The following TRPM3 variants were observed in gnomAD, a reference collection of about 807,000 sequenced individuals.
TRPM3 encodes the protein transient receptor potential cation channel subfamily M member 3.
Under a neutral mutation model 181.2 loss-of-function variants are expected in TRPM3, and 77 were observed. The ratio of observed to expected loss-of-function variants is 0.42; its 90% CI spans 0.35 to 0.51. The LOEUF is 0.51. TRPM3 is among the 20% of genes least tolerant of loss of function. The pLI, the probability that TRPM3 is intolerant of heterozygous loss-of-function variation, is 0.01. For synonymous variants in TRPM3, 745 were observed against 796.4 expected (o/e 0.94, Z 1.09); for missense variants, 1,759 against 2,196.7 (o/e 0.80, Z 3.98).
At chr9:70,549,970 G>A (rs1450217448) in intron 24 of TRPM3, among the ~76,000 whole-genome samples, 2 of 152,164 alleles carry the variant, frequency 1.3e-5, no homozygotes, top group African/African-American at 2.4e-5. Flanking sequence ...TCAAGGAAAG[G>A]GAAGCTATTC....
intron 7 of TRPM3, among the ~76,000 whole-genome samples, chr9:70,764,210 G>A (rs530039148): frequency 1.3e-5 from 2 of 152,284 alleles, no homozygotes; most frequent in East Asian, 3.9e-4. Context: ...TTCTTGAAAA[G>A]TAAAGACATG....
intron 9 of TRPM3, among the ~76,000 whole-genome samples, chr9:70,649,856 C>A (rs1175378623): frequency 6.6e-6 from 1 of 152,150 alleles, no homozygotes; most frequent in Non-Finnish European, 1.5e-5. Flanking sequence ...AAGACACATG[C>A]ACATGAATTT....
At chr9:70,638,932 G>C in intron 11 of TRPM3, 128 bp downstream of exon 11, 2 of 1,066,992 alleles carry the variant, frequency 1.9e-6, no homozygotes, top group African/African-American at 3.2e-5. Flanking sequence ...GTCTAAGGGA[G>C]TATTTGTGAT....
chr9:71,411,063 T>TA (rs2131452415), intron 1 of TRPM3, among the ~76,000 whole-genome samples: 1 of 152,308 alleles, frequency 6.6e-6, no homozygotes, highest in East Asian at 1.9e-4. Context: ...CCCTTCATGC[T>TA]AAAAACTCTC....
At chr9:71,186,733 T>C (rs2077702798) in intron 1 of TRPM3, among the ~76,000 whole-genome samples, 3 of 152,082 alleles carry the variant, frequency 2.0e-5, no homozygotes, top group Non-Finnish European at 4.4e-5. Context: ...GGAGCTATTG[T>C]TATACTTAGT....
intron 9 of TRPM3, among the ~76,000 whole-genome samples, chr9:70,651,314 T>C (rs2059572735): frequency 1.3e-5 from 2 of 152,244 alleles, no homozygotes; most frequent in African/African-American, 4.8e-5. Flanking sequence ...TATCTCTGTA[T>C]GCAGTCTATG....
At chr9:71,202,320 A>T (rs559221281) in intron 1 of TRPM3, among the ~76,000 whole-genome samples, 10 of 152,052 alleles carry the variant, frequency 6.6e-5, no homozygotes, top group Non-Finnish European at 1.5e-5. Flanking sequence ...CCATTCTCAG[A>T]TCTCCATGTG....
At chr9:70,976,593 T>C (rs376352132) in intron 1 of TRPM3, among the ~76,000 whole-genome samples, 1 of 152,202 alleles carries the variant, frequency 6.6e-6, no homozygotes, top group Non-Finnish European at 1.5e-5. Flanking sequence ...TCTAAGTGTT[T>C]ATGTCTTTAA....
At chr9:71,134,012 T>TAC (rs1565261215) in intron 1 of TRPM3, among the ~76,000 whole-genome samples, 1 of 131,426 alleles carries the variant, frequency 7.6e-6, no homozygotes, top group East Asian at 2.5e-4. Flanking sequence ...TGTGTGTGTG[T>TAC]GTGCGCGTGC....
At chr9:70,829,764 T>C (rs139135614) in intron 5 of TRPM3, among the ~76,000 whole-genome samples, 2,251 of 152,260 alleles carry the variant, frequency 0.015, 25 homozygotes, top group Middle Eastern at 0.061. Context: ...GTCTAGATGA[T>C]TGCGTAAGAG....
chr9:71,359,695 T>C (rs2092062040), intron 1 of TRPM3, among the ~76,000 whole-genome samples: 1 of 152,184 alleles, frequency 6.6e-6, no homozygotes, highest in Non-Finnish European at 1.5e-5. Context: ...AATATGTCCC[T>C]AGAGCTTCAC....
intron 8 of TRPM3, among the ~76,000 whole-genome samples, chr9:70,746,720 A>G (rs183026102): frequency 1.3e-5 from 2 of 152,186 alleles, no homozygotes; most frequent in Non-Finnish European, 2.9e-5. Flanking sequence ...TGTTTCAACC[A>G]AAAGGAGGAA....
intron 20 of TRPM3, among the ~76,000 whole-genome samples, chr9:70,601,753 G>T (rs529050893): frequency 1.4e-4 from 22 of 152,282 alleles, no homozygotes; most frequent in Admixed American, 5.2e-4. Context: ...CTGCCCGTTT[G>T]GCAGCCTCTG....
chr9:71,201,396 A>G (rs1268694177), intron 1 of TRPM3, among the ~76,000 whole-genome samples: 1 of 152,018 alleles, frequency 6.6e-6, no homozygotes, highest in Non-Finnish European at 1.5e-5. Context: ...TGTTCTCTGT[A>G]TTTCCTGAAT....
intron 1 of TRPM3, among the ~76,000 whole-genome samples, chr9:71,443,178 A>G (rs1798725948): frequency 6.6e-6 from 1 of 152,186 alleles, no homozygotes; most frequent in South Asian, 2.1e-4. Context: ...ATAATTAAAT[A>G]CCACTTTACC....
intron 1 of TRPM3, among the ~76,000 whole-genome samples, chr9:71,341,401 T>C (rs2090950668): frequency 6.6e-6 from 1 of 152,136 alleles, no homozygotes; most frequent in Admixed American, 6.6e-5. Context: ...ACATGACATG[T>C]ACATCTGGTA....
At chr9:71,112,738 T>C (rs1034249070) in intron 1 of TRPM3, among the ~76,000 whole-genome samples, 7 of 152,184 alleles carry the variant, frequency 4.6e-5, no homozygotes, top group Non-Finnish European at 1.5e-5. Flanking sequence ...GAGCTAATAA[T>C]ACCACAACAT....
chr9:71,258,429 G>T (rs924484868), intron 1 of TRPM3, among the ~76,000 whole-genome samples: 2 of 152,120 alleles, frequency 1.3e-5, no homozygotes, highest in African/African-American at 4.8e-5. Flanking sequence ...TTATTACAGG[G>T]AGTACAACCT....
chr9:71,427,184 G>T (rs1188444264), intron 1 of TRPM3, among the ~76,000 whole-genome samples: 1 of 152,074 alleles, frequency 6.6e-6, no homozygotes, highest in Non-Finnish European at 1.5e-5. Flanking sequence ...CCAGGTTGTT[G>T]TTGATAGACT....
Sources: allele counts gnomAD v4.1 joint callset (sites outside exome capture counted in the v4.1 genomes callset), GRCh38; gene constraint gnomAD v4.1.1; transcripts MANE v1.5; gene names NCBI Gene and HGNC (gene_info 2026-07-23, HGNC 2026-07-21).